SLC25A48: variants seen among roughly 807,000 people sequenced by gnomAD.
SLC25A48 encodes the protein solute carrier family 25 member 48, also known as CTC-321K16.1.
In SLC25A48, 29 loss-of-function variants were observed where a neutral mutation model predicts 32.2. That is an observed-to-expected ratio of 0.90 (90% confidence interval 0.67 to 1.23). The LOEUF (loss-of-function observed/expected upper bound fraction) is 1.23. SLC25A48 is among the 50% of genes most tolerant of loss of function. The pLI is 0.00. For synonymous variants in SLC25A48, 164 were observed against 172.3 expected (o/e 0.95, Z 0.38); for missense variants, 399 against 422.7 (o/e 0.94, Z 0.49).
chr5:135,834,940 C>A (rs1758373340), intron 1 of SLC25A48, 47 bp downstream of exon 1: 21 of 1,574,634 alleles, frequency 1.3e-5, no homozygotes, highest in Non-Finnish European at 1.8e-5. Context: ...GCGAGCCTGG[C>A]GGAGTTTGCC....
At chr5:135,597,737 C>T (rs1467855601) in intron 1 of SLC25A48, among the ~76,000 whole-genome samples, 2 of 152,196 alleles carry the variant, frequency 1.3e-5, no homozygotes, top group Non-Finnish European at 2.9e-5. Flanking sequence ...GGTGCAGTGG[C>T]TCACGCCTAT....
At chr5:135,707,529 T>C (rs781523115) in intron 3 of SLC25A48, among the ~76,000 whole-genome samples, 2 of 152,136 alleles carry the variant, frequency 1.3e-5, no homozygotes, top group Non-Finnish European at 2.9e-5. Context: ...CCCCCGCCCT[T>C]GGGTCCCCGC....
intron 3 of SLC25A48, among the ~76,000 whole-genome samples, chr5:135,669,264 G>A (rs1753597107): frequency 6.6e-6 from 1 of 152,150 alleles, no homozygotes. Flanking sequence ...ATGCATCCTG[G>A]GAAGAGAGGC....
intron 3 of SLC25A48, among the ~76,000 whole-genome samples, chr5:135,731,167 A>T (rs2126991687): frequency 6.7e-6 from 1 of 149,068 alleles, no homozygotes; most frequent in Admixed American, 6.7e-5. Context: ...TTACAGTCAA[A>T]GGGGGTTGTT....
chr5:135,880,420 C>A (rs953248165), intron 7 of SLC25A48, among the ~76,000 whole-genome samples: 5 of 152,028 alleles, frequency 3.3e-5, no homozygotes, highest in Non-Finnish European at 7.4e-5. Flanking sequence ...TGTGCAGATG[C>A]AAGTGACCCA....
At chr5:135,591,057 A>T (rs1052818664) in intron 1 of SLC25A48, among the ~76,000 whole-genome samples, 1 of 152,176 alleles carries the variant, frequency 6.6e-6, no homozygotes, top group Non-Finnish European at 1.5e-5. Flanking sequence ...AGGAGCCTCC[A>T]GGGTATCTGG....
At position 135,871,890 on chromosome 5, in the gene SLC25A48, C is replaced by G. The variant is rs199566106; in HGVS notation, c.679+172C>G. 131 of 1,498,032 alleles carry G rather than the reference C, an allele frequency of 8.7e-5. 1 individual carries two copies. Among genetic ancestry groups the G allele is most frequent in the Non-Finnish European group, 1.1e-4 (120 of 1,121,364 alleles). 92.8% of individuals were successfully genotyped at this position (1,498,032 alleles called of 1,614,324 possible). ...GTCCCCGGCCCTCTCCCACCTCAGT[C>G]TCATCCCTTCCCTATGCAGCTATGA... On this transcript the variant is annotated intron_variant, in intron 5 of 7. Transcript: ENST00000681962.
chr5:135,643,216 T>C (rs557617431), intron 3 of SLC25A48, among the ~76,000 whole-genome samples: 1 of 152,204 alleles, frequency 6.6e-6, no homozygotes, highest in African/African-American at 2.4e-5. Context: ...TTTGAGTTGC[T>C]TCCTGACGGG....
chr5:135,710,711 G>A (rs1448259788), intron 3 of SLC25A48, among the ~76,000 whole-genome samples: 1 of 152,232 alleles, frequency 6.6e-6, no homozygotes, highest in Non-Finnish European at 1.5e-5. Flanking sequence ...CTCAGTGAAT[G>A]TAACCTCAAC....
At chr5:135,671,450 A>G (rs1187128024) in intron 3 of SLC25A48, among the ~76,000 whole-genome samples, 3 of 152,194 alleles carry the variant, frequency 2.0e-5, no homozygotes, top group African/African-American at 7.2e-5. Context: ...ATAAGTCAAT[A>G]TGCTGTATGT....
chr5:135,663,153 G>A (rs1175130843), intron 3 of SLC25A48, among the ~76,000 whole-genome samples: 1 of 152,158 alleles, frequency 6.6e-6, no homozygotes, highest in African/African-American at 2.4e-5. Context: ...ATAAAATTCA[G>A]GTTCTTTGGA....
intron 3 of SLC25A48, among the ~76,000 whole-genome samples, chr5:135,638,156 T>C (rs1752749377): frequency 2.0e-5 from 3 of 152,216 alleles, no homozygotes; most frequent in Non-Finnish European, 4.4e-5. Context: ...ATTCTACATA[T>C]GTTAAGTTTA....
At chr5:135,855,351 C>A (rs146186100) in intron 4 of SLC25A48, among the ~76,000 whole-genome samples, 267 of 152,266 alleles carry the variant, frequency 1.8e-3, no homozygotes, top group African/African-American at 6.2e-3. Context: ...TACTATTTAA[C>A]CTGATGCAGT....
At chr5:135,585,349 G>A (rs1751339191) in intron 1 of SLC25A48, among the ~76,000 whole-genome samples, 1 of 152,186 alleles carries the variant, frequency 6.6e-6, no homozygotes, top group Admixed American at 6.5e-5. Flanking sequence ...TCCTGAAACT[G>A]CGAAGATGTC....
intron 3 of SLC25A48, among the ~76,000 whole-genome samples, chr5:135,781,676 T>C (rs1205845434): frequency 2.6e-5 from 3 of 117,240 alleles, no homozygotes; most frequent in African/African-American, 7.8e-5. Flanking sequence ...CCTGTGATAT[T>C]GTTCCTAATA....
chr5:135,755,742 C>T (rs1487586832), intron 3 of SLC25A48, among the ~76,000 whole-genome samples: 1 of 150,972 alleles, frequency 6.6e-6, no homozygotes, highest in Non-Finnish European at 1.5e-5. Flanking sequence ...GGAAATATCG[C>T]TGTGATATAT....
At chr5:135,712,059 C>T (rs1561458992) in intron 3 of SLC25A48, among the ~76,000 whole-genome samples, 2 of 152,042 alleles carry the variant, frequency 1.3e-5, no homozygotes, top group Non-Finnish European at 1.5e-5. Flanking sequence ...CCTGAATTGT[C>T]GATGATTTTC....
In SLC25A48 at chr5:135,786,749, C is replaced by T. The variant is rs558094555; in HGVS notation, c.-520-25774C>T. On this transcript the variant is annotated intron_variant, in intron 3 of 10. Coordinates refer to the SLC25A48 transcript ENST00000646290. ...CCTGGCGAGATGTTATATTTAATGT[C>T]GCAGTGGGTGTACACCCTGTGTCAT... is the stretch of plus-strand genomic sequence containing the variant. Among the ~76,000 whole-genome samples the T allele has an allele frequency of 8.9e-4, 135 of 152,118 alleles. 1 individual carries two copies. The South Asian group carries it at 0.01, about 11-fold the overall frequency.
chr5:135,764,266 C>T (rs1481629699), intron 3 of SLC25A48, among the ~76,000 whole-genome samples: 2 of 151,794 alleles, frequency 1.3e-5, no homozygotes, highest in Admixed American at 6.6e-5. Flanking sequence ...TAACATGGTT[C>T]GTATTAACCA....
Sources: gnomAD v4.1 joint callset for allele counts (sites outside exome capture counted in the v4.1 genomes callset) on GRCh38, gnomAD v4.1.1 for gene constraint, MANE v1.5 for transcripts, NCBI Gene and HGNC (gene_info 2026-07-23, HGNC 2026-07-21) for gene names.